SV2B: variants seen among roughly 807,000 people sequenced by gnomAD.
SV2B encodes the protein synaptic vesicle glycoprotein 2B, also known as solute carrier family 22 member B2.
SV2B carries 41 observed loss-of-function variants against 73.9 expected under a neutral mutation model. The observed-to-expected ratio is 0.56, with a 90% CI of 0.43 to 0.72. SV2B has a LOEUF of 0.72. Among genes scored for constraint, SV2B ranks in the 30% least tolerant of loss-of-function variants. SV2B has a pLI of 0.00. For synonymous variants in SV2B, 314 were observed against 314.2 expected, an observed-to-expected ratio of 1.00 and a Z score of 0.01; for missense variants, 764 against 857.8, an observed-to-expected ratio of 0.89 and a Z score of 1.37.
At chr15:91,274,256 A>G (rs1351316583) in intron 9 of SV2B, among the ~76,000 whole-genome samples, 2 of 152,222 alleles carry the variant, frequency 1.3e-5, no homozygotes, top group African/African-American at 4.8e-5. Context: ...TTGTTCTCCA[A>G]AGGGATTGCA....
intron 1 of SV2B, among the ~76,000 whole-genome samples, chr15:91,161,962 C>A (rs1242354492): frequency 1.3e-5 from 2 of 152,192 alleles, no homozygotes; most frequent in African/African-American, 4.8e-5. Context: ...AGAATCTAAT[C>A]TCAAATTAGT....
In SV2B at chr15:91,214,784, G is replaced by C. The variant is rs1056504954; in HGVS notation, c.-391-11089G>C. On this transcript the variant is annotated intron_variant, in intron 1 of 12. Coordinates refer to ENST00000394232, the MANE Select transcript of SV2B (RefSeq NM_001323032.3). The surrounding 1 kb of genome is among the most constrained non-coding windows in gnomAD (Gnocchi z 4.7). ...ATTTAAGTGTTCCCCAAACAGTTGTGGGGGGTGTGCTTGACTCCTTAGTCC... is the reference window on the plus strand; with the variant it reads ...ATTTAAGTGTTCCCCAAACAGTTGTCGGGGGTGTGCTTGACTCCTTAGTCC... Among the ~76,000 whole-genome samples, 1 of 152,202 alleles carries C rather than the reference G, an allele frequency of 6.6e-6. No homozygotes were observed. The highest frequency in any genetic ancestry group is 1.5e-5 in the Non-Finnish European group (1 of 68,044).
chr15:91,112,703 C>CT (rs2042070883), intron 1 of SV2B, among the ~76,000 whole-genome samples: 1 of 152,186 alleles, frequency 6.6e-6, no homozygotes, highest in Non-Finnish European at 1.5e-5. Context: ...CCCGCTTTCT[C>CT]TTTTTCCTCA....
At chr15:91,138,471 A>G (rs2042907574) in intron 1 of SV2B, among the ~76,000 whole-genome samples, 1 of 152,234 alleles carries the variant, frequency 6.6e-6, no homozygotes, top group Non-Finnish European at 1.5e-5. Flanking sequence ...GAATGACACC[A>G]TAGGAATGCA....
chr15:91,215,751 A>C (rs1364642261), intron 1 of SV2B, among the ~76,000 whole-genome samples: 2 of 152,170 alleles, frequency 1.3e-5, no homozygotes, highest in African/African-American at 4.8e-5. Flanking sequence ...TAAATATCTT[A>C]ATATTTATTT....
In SV2B at chr15:91,141,413, C is replaced by G. The variant is rs544493376; in HGVS notation, c.-392+41050C>G. The stretch of plus-strand genomic sequence containing the variant: ...CATCTTAGTAGTTTAGCTTTCTAAC[C>G]TGCTCCTAATCCAGGTGATAAGTGA... On this transcript the variant is annotated intron_variant, in intron 1 of 12. Transcript: ENST00000394232. This position sits in a 1 kb window ranked among gnomAD's most constrained non-coding sequence, Gnocchi z 4.6. 7.2e-5 allele frequency among the ~76,000 whole-genome samples: 11 copies of G among 152,298 alleles called. No homozygotes were observed. The highest frequency in any genetic ancestry group is 2.6e-4 in the African/African-American group (11 of 41,572).
At chr15:91,282,225 G>A (rs1439198836) in intron 10 of SV2B, among the ~76,000 whole-genome samples, 1 of 152,236 alleles carries the variant, frequency 6.6e-6, no homozygotes, top group African/African-American at 2.4e-5. Flanking sequence ...TGCACGGAAT[G>A]CATTCTTGAA....
At chr15:91,161,180 GA>G (rs1258131635) in intron 1 of SV2B, among the ~76,000 whole-genome samples, 3 of 152,194 alleles carry the variant, frequency 2.0e-5, no homozygotes, top group African/African-American at 7.2e-5. Flanking sequence ...AGGCATGATG[GA>G]AATTTTGGGG....
At position 91,268,361 on chromosome 15, in the gene SV2B, C is replaced by T. The variant is rs1396501243; in HGVS notation, c.1209-80C>T. 3 of 1,366,718 alleles carry T rather than the reference C, an allele frequency of 2.2e-6. No individual in the cohort carries two copies. Among genetic ancestry groups the T allele is most frequent in the Non-Finnish European group, 3.0e-6 (3 of 1,009,160 alleles). The allele number at this position is 1,366,718 out of a possible 1,614,324, so 84.7% of individuals were successfully genotyped here. ...ATGTATTTTCAATGAGTTTGATCTG[C>T]ATCAAGTCAAGAGTGTAGACCCTGA... On this transcript the variant is annotated intron_variant, in intron 8 of 12. Transcript: ENST00000394232. This position sits in a 1 kb window ranked among gnomAD's most constrained non-coding sequence, Gnocchi z 4.4.
intron 1 of SV2B, among the ~76,000 whole-genome samples, chr15:91,206,022 T>G (rs1319786236): frequency 6.6e-6 from 1 of 150,634 alleles, no homozygotes; most frequent in African/African-American, 2.4e-5. Flanking sequence ...TTTGTTGTTG[T>G]GGTGGTGGTG....
At chr15:91,217,359 A>G (rs1028951818) in intron 1 of SV2B, among the ~76,000 whole-genome samples, 2 of 152,184 alleles carry the variant, frequency 1.3e-5, no homozygotes, top group Non-Finnish European at 2.9e-5. Context: ...ATTCCAGTAT[A>G]ATATGATAAT....
At position 91,300,288 on chromosome 15, in the gene SV2B, C is replaced by T. The variant is rs917963945; in HGVS notation, c.*7736C>T. 6.6e-6 allele frequency: 1 copy of T among 151,898 alleles called. No individual in the cohort carries two copies. Among genetic ancestry groups the T allele is most frequent in the Non-Finnish European group, 1.5e-5 (1 of 67,964 alleles). The allele number at this position is 151,898 out of a possible 1,614,324, so 9.4% of individuals were successfully genotyped here. ...TGAGATTTGGTCTCAGCTTTTTGGT[C>T]CATCTGAATCCTGGAAGTCCCCAAC... On this transcript the variant is annotated 3_prime_UTR_variant, in exon 13 of 13. Coordinates refer to ENST00000394232, the MANE Select transcript of SV2B (RefSeq NM_001323032.3).
chr15:91,120,811 C>CAA lies in SV2B; in HGVS notation c.-392+20462_-392+20463dup, dbSNP rs756474473. Among the ~76,000 whole-genome samples the CAA allele has an allele frequency of 2.1e-3, 200 of 97,094 alleles. 2 individuals carry two copies. The highest frequency in any genetic ancestry group is 1.7e-3 in the Non-Finnish European group (88 of 51,436). 63.7% of individuals were successfully genotyped at this position (97,094 alleles called of 152,430 possible). A position where few individuals can be genotyped will look rare whatever the true frequency, so the allele number is the denominator to read the frequency against. On this transcript the variant is annotated intron_variant, in intron 1 of 12. Coordinates refer to ENST00000394232, the MANE Select transcript of SV2B (RefSeq NM_001323032.3). ...TGTGTGACAGAGTGAGAACCTGTCT[C>CAA]AAAAAAAAAAAAAAAGAAAGAAAAA... is the stretch of plus-strand genomic sequence containing the variant.
chr15:91,222,117 C>T (rs751050944), intron 1 of SV2B, among the ~76,000 whole-genome samples: 2 of 152,158 alleles, frequency 1.3e-5, no homozygotes, highest in Non-Finnish European at 2.9e-5. Flanking sequence ...TGCCTTTGGA[C>T]GTCCCCACTA....
chr15:91,208,380 C>A (rs1235190157), intron 1 of SV2B, among the ~76,000 whole-genome samples: 1 of 152,198 alleles, frequency 6.6e-6, no homozygotes, highest in Non-Finnish European at 1.5e-5. Flanking sequence ...GTTTTCCCCC[C>A]ACCCTTGAAA....
chr15:91,290,598 G>A lies in SV2B; in HGVS notation c.1868+918G>A, dbSNP rs924944115. Among the ~76,000 whole-genome samples, 4 of 152,004 alleles carry A rather than the reference G, an allele frequency of 2.6e-5. No individual in the cohort carries two copies. Among genetic ancestry groups the A allele is most frequent in the Admixed American group, 1.3e-4 (2 of 15,268 alleles). ...TTATGTATAGGTTTTAAAATATATC[G>A]AAAAAGTTAAAGATGCAATTGATAT... On this transcript the variant is annotated intron_variant, in intron 12 of 12. Coordinates refer to ENST00000394232, the MANE Select transcript of SV2B (RefSeq NM_001323032.3). The surrounding 1 kb of genome is among the most constrained non-coding windows in gnomAD (Gnocchi z 4.7).
chr15:91,111,883 C>T (rs369143916), intron 1 of SV2B, among the ~76,000 whole-genome samples: 1 of 151,962 alleles, frequency 6.6e-6, no homozygotes. Context: ...AGGGGAGTTG[C>T]CACATATTTT....
chr15:91,276,863 C>T (rs1596767608), intron 9 of SV2B, among the ~76,000 whole-genome samples: 2 of 147,570 alleles, frequency 1.4e-5, no homozygotes, highest in East Asian at 3.9e-4. Flanking sequence ...CTCTTGTTGC[C>T]CAGACTGGAG....
At chr15:91,248,459 A>G (rs1250635006) in intron 2 of SV2B, among the ~76,000 whole-genome samples, 3 of 152,364 alleles carry the variant, frequency 2.0e-5, no homozygotes, top group African/African-American at 4.8e-5. Flanking sequence ...TTACATTTTT[A>G]AAAAATTAAT....
Sources: gnomAD v4.1 joint callset for allele counts (sites outside exome capture counted in the v4.1 genomes callset) on GRCh38, gnomAD v4.1.1 for gene constraint, Gnocchi (gnomAD v3.1) non-coding constraint, MANE v1.5 for transcripts, NCBI Gene and HGNC (gene_info 2026-07-23, HGNC 2026-07-21) for gene names.